Variants in RGL1 observed in about 807,000 individuals in gnomAD.
The protein encoded by RGL1 is ral guanine nucleotide dissociation stimulator like 1.
A neutral mutation model predicts 95.2 loss-of-function variants in RGL1; 24 were observed. That is an observed-to-expected ratio of 0.25 (90% CI 0.18 to 0.35). The LOEUF is 0.35. RGL1 is among the 10% of genes least tolerant of loss of function. The pLI, the probability that RGL1 is intolerant of heterozygous loss-of-function variation, is 1.00. For synonymous variants in RGL1, 329 were observed against 344.9 expected (o/e 0.95, Z 0.51); for missense variants, 715 against 936.3 (o/e 0.76, Z 3.08).
At chr1:183,741,599 A>G (rs950733230) in intron 1 of RGL1, among the ~76,000 whole-genome samples, 1 of 152,242 alleles carries the variant, frequency 6.6e-6, no homozygotes, top group African/African-American at 2.4e-5. Context: ...ATACTTGTTT[A>G]CAATCTTTCT....
chr1:183,719,352 A>G (rs578056860), intron 1 of RGL1, among the ~76,000 whole-genome samples: 1 of 152,334 alleles, frequency 6.6e-6, no homozygotes, highest in South Asian at 2.1e-4. Flanking sequence ...CATTGAAGTC[A>G]TTCCAAGGAA....
intron 1 of RGL1, among the ~76,000 whole-genome samples, chr1:183,649,456 C>G (rs1180929902): frequency 6.6e-6 from 1 of 152,152 alleles, no homozygotes; most frequent in African/African-American, 2.4e-5. Flanking sequence ...CATTTAACAT[C>G]AACTTTCTTA....
intron 1 of RGL1, among the ~76,000 whole-genome samples, chr1:183,740,068 T>A (rs1419205504): frequency 6.6e-6 from 1 of 152,256 alleles, no homozygotes. Context: ...TTGATTTATT[T>A]GTTATTATTT....
intron 1 of RGL1, among the ~76,000 whole-genome samples, chr1:183,695,799 G>T (rs1236364007): frequency 2.0e-5 from 3 of 151,890 alleles, no homozygotes; most frequent in African/African-American, 7.3e-5. Context: ...ATGAACACAA[G>T]TATTTGAAAT....
intron 1 of RGL1, among the ~76,000 whole-genome samples, chr1:183,645,244 GT>G (rs908725024): frequency 5.3e-5 from 8 of 152,170 alleles, no homozygotes; most frequent in African/African-American, 1.9e-4. Flanking sequence ...CAGTACATTA[GT>G]TTTTTGTCTT....
rs1261970470 is a variant in RGL1, at chr1:183,916,579, G to C, written c.1882G>C (p.Val628Leu). ...CAACCCCAAAATCCACAAGCGCTCT[G>C]TCTCGGTGACGTCCATTACCTCGAC... ...NNNPKIHKRS[V>L]SVTSITSTVL... Residue 628 changes from valine to leucine, a missense_variant, in exon 16 of 18, where the codon GTC becomes CTC. Transcript: ENST00000360851. The C allele has an allele frequency of 1.9e-6, 3 of 1,613,408 alleles. No individual in the cohort carries two copies. Among genetic ancestry groups the C allele is most frequent in the African/African-American group, 1.3e-5 (1 of 74,742 alleles).
intron 1 of RGL1, among the ~76,000 whole-genome samples, chr1:183,693,313 A>G (rs1654069755): frequency 2.6e-5 from 4 of 152,086 alleles, no homozygotes. Context: ...ACAGTCCTAG[A>G]AGGCTATAGG....
intron 1 of RGL1, among the ~76,000 whole-genome samples, chr1:183,726,219 A>G (rs920936234): frequency 3.9e-5 from 6 of 152,092 alleles, no homozygotes; most frequent in Non-Finnish European, 8.8e-5. Flanking sequence ...CAACAGGCCA[A>G]GCTTCCATCA....
chr1:183,864,741 A>T (rs1423362170), intron 3 of RGL1, among the ~76,000 whole-genome samples: 1 of 152,198 alleles, frequency 6.6e-6, no homozygotes, highest in Non-Finnish European at 1.5e-5. Context: ...GAGGCCAAGA[A>T]ATCCATAAGG....
chr1:183,924,661 G>A (rs1321946578), intron 17 of RGL1, among the ~76,000 whole-genome samples: 1 of 151,932 alleles, frequency 6.6e-6, no homozygotes, highest in Non-Finnish European at 1.5e-5. Flanking sequence ...AAATAAAAGT[G>A]AGGCTGGGCA....
chr1:183,773,212 C>T (rs1331161084), intron 2 of RGL1, among the ~76,000 whole-genome samples: 1 of 151,988 alleles, frequency 6.6e-6, no homozygotes, highest in African/African-American at 2.4e-5. Context: ...TCCCTTCTTT[C>T]CTTCTTTCTC....
At chr1:183,746,840 C>T (rs1372675178) in intron 2 of RGL1, among the ~76,000 whole-genome samples, 2 of 151,984 alleles carry the variant, frequency 1.3e-5, no homozygotes, top group East Asian at 1.9e-4. Context: ...TGTTCCCCTC[C>T]CTGTGTCCAT....
intron 2 of RGL1, among the ~76,000 whole-genome samples, chr1:183,758,683 A>G (rs542539880): frequency 1.2e-4 from 18 of 152,126 alleles, no homozygotes; most frequent in African/African-American, 4.3e-4. Flanking sequence ...AATCCCATTC[A>G]TGAAGACTCT....
In RGL1 at chr1:183,690,731, T is replaced by TAA. The variant is rs34672729; in HGVS notation, c.-32-51384_-32-51383dup. On this transcript the variant is annotated intron_variant, in intron 1 of 18. Transcript: ENST00000304685. ...TAGTGCTAGAAAGATGAGGTACTTA[T>TAA]AAAAAAAAAAAAGAATGTATTTCAA... Among the ~76,000 whole-genome samples, 11 of 148,442 alleles carry TAA rather than the reference T, an allele frequency of 7.4e-5. 1 individual carries two copies. The highest frequency in any genetic ancestry group is 2.7e-4 in the African/African-American group (11 of 40,082).
chr1:183,657,333 A>G (rs934696171), intron 1 of RGL1, among the ~76,000 whole-genome samples: 17 of 152,182 alleles, frequency 1.1e-4, no homozygotes, highest in Non-Finnish European at 2.2e-4. Context: ...GTACATGTGC[A>G]CAACGTGCAG....
intron 2 of RGL1, among the ~76,000 whole-genome samples, chr1:183,794,055 G>GAC (rs147087444): frequency 0.22 from 32,701 of 145,762 alleles, 4,228 homozygotes; most frequent in Middle Eastern, 0.3. Context: ...AGAAAATGTG[G>GAC]ACACACACAC....
chr1:183,772,381 C>T (rs1659327428), intron 2 of RGL1, among the ~76,000 whole-genome samples: 1 of 152,330 alleles, frequency 6.6e-6, no homozygotes, highest in Admixed American at 6.5e-5. Context: ...GCGAGCCACA[C>T]CTCCGTCACG....
At chr1:183,870,441 TTGTCTTCCGGCCAGGGTAGG>T (rs71130646) in intron 4 of RGL1, among the ~76,000 whole-genome samples, 99,225 of 120,874 alleles carry the variant, frequency 0.82, 40,687 homozygotes, top group Middle Eastern at 0.89. Flanking sequence ...GCCAGGGTAG[TTGTCTTCCGGCCAGGGTAGG>T]TGTCTTCCGG....
chr1:183,671,168 C>T (rs1652425164), intron 1 of RGL1, among the ~76,000 whole-genome samples: 1 of 152,124 alleles, frequency 6.6e-6, no homozygotes, highest in Non-Finnish European at 1.5e-5. Flanking sequence ...GCAAAACTGC[C>T]CCCATGATTC....
Sources: gnomAD v4.1 joint callset for allele counts (sites outside exome capture counted in the v4.1 genomes callset) on GRCh38, gnomAD v4.1.1 for gene constraint, MANE v1.5 for transcripts, NCBI Gene and HGNC (gene_info 2026-07-23, HGNC 2026-07-21) for gene names.